The following ZNRF2 variants were observed in gnomAD, a reference collection of about 807,000 sequenced individuals.
ZNRF2 encodes E3 ubiquitin-protein ligase ZNRF2.
Under a neutral mutation model 20.4 loss-of-function variants are expected in ZNRF2, and 16 were observed. The ratio of observed to expected loss-of-function variants is 0.79; its 90% CI spans 0.53 to 1.19. The LOEUF is 1.19. ZNRF2 is among the 50% of genes most tolerant of loss of function. ZNRF2 has a pLI of 0.00. For synonymous variants in ZNRF2, 178 were observed against 144.9 expected (o/e 1.23, Z -1.64); for missense variants, 363 against 332.4 (o/e 1.09, Z -0.72).
intron 1 of ZNRF2, among the ~76,000 whole-genome samples, chr7:30,295,046 AGAGAGTGTGTGTGTGTGTGTGT>A (rs1798992196): frequency 3.0e-5 from 3 of 98,524 alleles, no homozygotes; most frequent in African/African-American, 9.9e-5. Context: ...AGAGAGAGAG[AGAGAGTGTGTGTGTGTGTGTGT>A]GTGTGTGTGT....
At chr7:30,315,728 G>GGC (rs1491475775) in intron 1 of ZNRF2, among the ~76,000 whole-genome samples, 11 of 50,238 alleles carry the variant, frequency 2.2e-4, no homozygotes, top group Admixed American at 2.7e-4. Context: ...AAGGTGGGGC[G>GGC]GGGGGGGGGG....
intron 1 of ZNRF2, among the ~76,000 whole-genome samples, chr7:30,315,094 G>A (rs756639246): frequency 6.6e-6 from 1 of 152,132 alleles, no homozygotes; most frequent in African/African-American, 2.4e-5. Flanking sequence ...GGGATTACAG[G>A]TGTGAGCCAC....
At chr7:30,302,535 T>C (rs1477264242) in intron 1 of ZNRF2, among the ~76,000 whole-genome samples, 1 of 150,966 alleles carries the variant, frequency 6.6e-6, no homozygotes, top group Non-Finnish European at 1.5e-5. Context: ...TAAATTAAAG[T>C]ACTATGTTTT....
intron 1 of ZNRF2, among the ~76,000 whole-genome samples, chr7:30,287,211 A>G (rs560651515): frequency 6.6e-6 from 1 of 152,366 alleles, no homozygotes; most frequent in Non-Finnish European, 1.5e-5. Flanking sequence ...TTTGATCACA[A>G]CTAACCTAAC....
At chr7:30,365,842 C>T (rs1033109339) in intron 4 of ZNRF2, among the ~76,000 whole-genome samples, 193 bp from the exon 5 acceptor site, 9 of 152,028 alleles carry the variant, frequency 5.9e-5, no homozygotes, top group Admixed American at 2.6e-4. Flanking sequence ...TCTTTACTTG[C>T]GTGTAGTCCT....
At chr7:30,305,357 C>T (rs778413877) in intron 1 of ZNRF2, among the ~76,000 whole-genome samples, 1 of 152,044 alleles carries the variant, frequency 6.6e-6, no homozygotes, top group African/African-American at 2.4e-5. Context: ...TTTTATTGTT[C>T]TTAGGAAAAT....
At chr7:30,289,788 G>A (rs1205386100) in intron 1 of ZNRF2, 2 of 534,454 alleles carry the variant, frequency 3.7e-6, no homozygotes, top group Non-Finnish European at 7.7e-6. Flanking sequence ...TAAGAACCTG[G>A]TATTTTGATG....
At chr7:30,338,604 G>C (rs1327311552) in intron 2 of ZNRF2, among the ~76,000 whole-genome samples, 7 of 151,978 alleles carry the variant, frequency 4.6e-5, no homozygotes, top group Non-Finnish European at 1.5e-5. Context: ...AGGACATGAA[G>C]TCATCCTTTT....
At chr7:30,343,130 T>C (rs1225034757) in intron 2 of ZNRF2, among the ~76,000 whole-genome samples, 3 of 152,008 alleles carry the variant, frequency 2.0e-5, no homozygotes, top group Admixed American at 1.3e-4. Context: ...CTGGGCAACA[T>C]AGTGAGACCG....
chr7:30,321,949 G>T (rs1372940953), intron 1 of ZNRF2, among the ~76,000 whole-genome samples: 3 of 151,266 alleles, frequency 2.0e-5, no homozygotes, highest in Non-Finnish European at 2.9e-5. Context: ...TCATTTTTAG[G>T]GGTGTCTAAT....
intron 1 of ZNRF2, among the ~76,000 whole-genome samples, chr7:30,310,015 G>A (rs1466560160): frequency 1.3e-5 from 2 of 152,172 alleles, no homozygotes; most frequent in African/African-American, 2.4e-5. Context: ...AACAGTTTGG[G>A]GAAGGGTGAG....
intron 1 of ZNRF2, among the ~76,000 whole-genome samples, chr7:30,295,050 A>AGAGAGAGAGAGAGT (rs1412764480): frequency 5.0e-4 from 19 of 38,278 alleles, no homozygotes; most frequent in Non-Finnish European, 6.7e-4. Flanking sequence ...AGAGAGAGAG[A>AGAGAGAGAGAGAGT]GTGTGTGTGT....
intron 1 of ZNRF2, among the ~76,000 whole-genome samples, chr7:30,305,884 C>G (rs919126462): frequency 6.6e-6 from 1 of 152,098 alleles, no homozygotes; most frequent in African/African-American, 2.4e-5. Context: ...ATACATGTTT[C>G]TAGCACTTAT....
chr7:30,351,813 A>G (rs1799966203), intron 2 of ZNRF2, among the ~76,000 whole-genome samples: 1 of 152,044 alleles, frequency 6.6e-6, no homozygotes, highest in East Asian at 1.9e-4. Flanking sequence ...TAAAAAGTAC[A>G]CGTTTTTAAT....
intron 1 of ZNRF2, among the ~76,000 whole-genome samples, chr7:30,292,353 GA>G: frequency 6.6e-6 from 1 of 152,150 alleles, no homozygotes; most frequent in East Asian, 1.9e-4. Flanking sequence ...TTTATAACAT[GA>G]TTTTTAATTA....
At chr7:30,302,295 A>G (rs983442829) in intron 1 of ZNRF2, among the ~76,000 whole-genome samples, 2 of 152,218 alleles carry the variant, frequency 1.3e-5, no homozygotes, top group Non-Finnish European at 2.9e-5. Flanking sequence ...AATTGAGCAT[A>G]GAGGAAACTG....
intron 1 of ZNRF2, among the ~76,000 whole-genome samples, chr7:30,316,694 C>T (rs954351837): frequency 1.3e-5 from 2 of 152,022 alleles, no homozygotes; most frequent in African/African-American, 2.4e-5. Context: ...TAGGTGTTTC[C>T]TCTTTGGCCT....
chr7:30,352,681 C>A (rs1041433696), intron 2 of ZNRF2, among the ~76,000 whole-genome samples: 1 of 151,906 alleles, frequency 6.6e-6, no homozygotes, highest in Non-Finnish European at 1.5e-5. Context: ...TGTGAGTGTT[C>A]CCTTCTCTGC....
intron 2 of ZNRF2, among the ~76,000 whole-genome samples, chr7:30,332,558 T>A (rs1416250205): frequency 6.6e-6 from 1 of 152,160 alleles, no homozygotes; most frequent in Non-Finnish European, 1.5e-5. Context: ...CTGTGTCTGT[T>A]GTTTCTATCT....
Sources: gnomAD v4.1 joint callset for allele counts (sites outside exome capture counted in the v4.1 genomes callset) on GRCh38, gnomAD v4.1.1 for gene constraint, MANE v1.5 for transcripts, NCBI Gene and HGNC (gene_info 2026-07-23, HGNC 2026-07-21) for gene names.